The following RSRC1 variants were observed in gnomAD, a reference collection of about 807,000 sequenced individuals.
RSRC1 encodes the protein arginine and serine rich coiled-coil 1.
RSRC1 carries 39 observed loss-of-function variants against 49.1 expected under a neutral mutation model. The ratio of observed to expected loss-of-function variants is 0.79; its 90% CI spans 0.61 to 1.04. The LOEUF is 1.04. Ranked by LOEUF, RSRC1 falls within the 50% of genes least tolerant of loss-of-function variation. RSRC1 has a pLI of 0.00. For missense variants in RSRC1, 388 were observed against 402.4 expected (o/e 0.96, Z 0.31); for synonymous variants, 143 against 130.8 (o/e 1.09, Z -0.63).
chr3:158,478,564 C>T (rs1266944255), intron 7 of RSRC1, among the ~76,000 whole-genome samples: 1 of 151,916 alleles, frequency 6.6e-6, no homozygotes, highest in Non-Finnish European at 1.5e-5. Flanking sequence ...TCTTTAGTAT[C>T]AGTGTAGAGC....
At chr3:158,468,905 T>C (rs1353545823) in intron 7 of RSRC1, among the ~76,000 whole-genome samples, 1 of 152,190 alleles carries the variant, frequency 6.6e-6, no homozygotes, top group Non-Finnish European at 1.5e-5. Flanking sequence ...CTAAGATTTA[T>C]TCTGATAAGT....
intron 4 of RSRC1, among the ~76,000 whole-genome samples, chr3:158,281,247 T>C (rs142200674): frequency 2.9e-3 from 435 of 152,214 alleles, no homozygotes; most frequent in African/African-American, 0.01. Context: ...ATAAGATCCT[T>C]TTCTGAAATA....
At chr3:158,292,673 A>G (rs982165543) in intron 4 of RSRC1, among the ~76,000 whole-genome samples, 4 of 152,218 alleles carry the variant, frequency 2.6e-5, no homozygotes, top group African/African-American at 7.2e-5. Flanking sequence ...CCTTCTGTCA[A>G]TGTCTTGGAT....
chr3:158,241,147 C>A (rs1723551401), intron 4 of RSRC1, among the ~76,000 whole-genome samples: 1 of 152,034 alleles, frequency 6.6e-6, no homozygotes, highest in Non-Finnish European at 1.5e-5. Context: ...GAAATTCTGC[C>A]ATTAAAAATG....
Position 158,539,962 on chromosome 3 carries a change from C to T in RSRC1, c.759+2764C>T, listed in dbSNP as rs1443008430. Reference sequence around the variant, plus strand: ...TGATAACTAGAATAATAGCACTGCACATATTTTTAAGGCAGTTTAACATGA... The same window carrying T: ...TGATAACTAGAATAATAGCACTGCATATATTTTTAAGGCAGTTTAACATGA... On this transcript the variant is annotated intron_variant, in intron 8 of 9. Transcript: ENST00000611884. This position sits in a 1 kb window ranked among gnomAD's most constrained non-coding sequence, Gnocchi z 4.1. Among the ~76,000 whole-genome samples the T allele has an allele frequency of 1.3e-5, 2 of 152,102 alleles. No homozygotes were observed. Among genetic ancestry groups the T allele is most frequent in the Non-Finnish European group, 2.9e-5 (2 of 68,022 alleles).
chr3:158,276,283 T>C (rs1428738728), intron 4 of RSRC1: 8 of 764,200 alleles, frequency 1.0e-5, no homozygotes, highest in Non-Finnish European at 1.4e-5. Context: ...CTGCACAATT[T>C]ATCAGGCCAG....
At chr3:158,435,756 G>C (rs1736010506) in intron 6 of RSRC1, among the ~76,000 whole-genome samples, 1 of 151,734 alleles carries the variant, frequency 6.6e-6, no homozygotes, top group Non-Finnish European at 1.5e-5. Context: ...ATACATGAGT[G>C]CAGATATATA....
intron 7 of RSRC1, among the ~76,000 whole-genome samples, chr3:158,523,910 C>A (rs1711852166): frequency 6.6e-6 from 1 of 152,034 alleles, no homozygotes; most frequent in African/African-American, 2.4e-5. Flanking sequence ...AGAAAGCTAA[C>A]AAGAAAATGC....
chr3:158,124,080 A>G (rs1419604940), intron 3 of RSRC1, 89 bp downstream of exon 3: 3 of 993,118 alleles, frequency 3.0e-6, no homozygotes, highest in African/African-American at 1.7e-5. Flanking sequence ...TCTTATAATT[A>G]TATAATTTTG....
At chr3:158,516,586 G>C (rs1018612891) in intron 7 of RSRC1, among the ~76,000 whole-genome samples, 1 of 152,192 alleles carries the variant, frequency 6.6e-6, no homozygotes, top group Non-Finnish European at 1.5e-5. Flanking sequence ...GGAGCCTACA[G>C]AGGCAGGCAG....
At chr3:158,386,617 T>G (rs1732980402) in intron 6 of RSRC1, among the ~76,000 whole-genome samples, 1 of 152,046 alleles carries the variant, frequency 6.6e-6, no homozygotes, top group South Asian at 2.1e-4. Flanking sequence ...TGTTGTTTAA[T>G]TTGTATTGGG....
At chr3:158,368,140 G>T (rs1467072633) in intron 6 of RSRC1, among the ~76,000 whole-genome samples, 1 of 152,226 alleles carries the variant, frequency 6.6e-6, no homozygotes, top group Admixed American at 6.5e-5. Flanking sequence ...AATTTTGAGA[G>T]GGTGATATGT....
At chr3:158,480,494 A>G (rs1248238218) in intron 7 of RSRC1, among the ~76,000 whole-genome samples, 1 of 152,046 alleles carries the variant, frequency 6.6e-6, no homozygotes, top group Non-Finnish European at 1.5e-5. Context: ...AAGTGCTCTG[A>G]ATGCGAAATT....
At chr3:158,369,965 C>T (rs73170348) in intron 6 of RSRC1, among the ~76,000 whole-genome samples, 65,093 of 151,608 alleles carry the variant, frequency 0.43, 14,820 homozygotes, top group South Asian at 0.6. Context: ...TGTAACTTGT[C>T]TTTTTTCCTT....
intron 1 of RSRC1, among the ~76,000 whole-genome samples, chr3:158,117,530 A>T (rs766155015): frequency 2.0e-4 from 31 of 152,126 alleles, no homozygotes; most frequent in Non-Finnish European, 4.0e-4. Context: ...GGGTTCAAGC[A>T]ATCCACCCAC....
intron 6 of RSRC1, among the ~76,000 whole-genome samples, chr3:158,441,137 C>G (rs1388898000): frequency 6.6e-6 from 1 of 152,076 alleles, no homozygotes; most frequent in Non-Finnish European, 1.5e-5. Context: ...CTCCTACAGT[C>G]TGTTGGAATG....
chr3:158,316,589 C>T (rs1339635305), intron 5 of RSRC1, among the ~76,000 whole-genome samples: 2 of 151,814 alleles, frequency 1.3e-5, no homozygotes, highest in African/African-American at 2.4e-5. Flanking sequence ...GGACTACAGG[C>T]GCCCGCCACC....
chr3:158,483,291 G>A (rs139199548), intron 7 of RSRC1, among the ~76,000 whole-genome samples: 565 of 152,030 alleles, frequency 3.7e-3, no homozygotes, highest in Admixed American at 7.7e-3. Flanking sequence ...TTTTCAGTTG[G>A]TGTGTTTGCC....
At chr3:158,256,784 C>G (rs1724585731) in intron 4 of RSRC1, among the ~76,000 whole-genome samples, 1 of 152,102 alleles carries the variant, frequency 6.6e-6, no homozygotes, top group Non-Finnish European at 1.5e-5. Flanking sequence ...CAAGTTCGTC[C>G]TGGTTTAGTC....
Sources: allele counts gnomAD v4.1 joint callset (sites outside exome capture counted in the v4.1 genomes callset), GRCh38; gene constraint gnomAD v4.1.1; non-coding constraint Gnocchi (gnomAD v3.1); transcripts MANE v1.5; gene names NCBI Gene and HGNC (gene_info 2026-07-23, HGNC 2026-07-21).